The following KCNQ3 variants were observed in gnomAD, a reference collection of about 807,000 sequenced individuals.
KCNQ3 encodes the protein potassium voltage-gated channel subfamily Q member 3, also known as potassium voltage-gated channel subfamily KQT member 3.
In KCNQ3, 30 loss-of-function variants were observed where a neutral mutation model predicts 92.5. That is an observed-to-expected ratio of 0.32 (90% CI 0.24 to 0.44). The LOEUF (loss-of-function observed/expected upper bound fraction) is 0.44. Ranked by LOEUF, KCNQ3 falls within the 20% of genes least tolerant of loss-of-function variation. KCNQ3 has a pLI of 1.00. For missense variants in KCNQ3, 913 were observed against 1,140.3 expected, an observed-to-expected ratio of 0.80 and a Z score of 2.87; for synonymous variants, 450 against 468.8, an observed-to-expected ratio of 0.96 and a Z score of 0.52.
rs117987882 is a variant in KCNQ3 at position 132,369,919 on chromosome 8, A to G, written c.386+110228T>C. 1.1e-3 allele frequency among the ~76,000 whole-genome samples: 161 copies of G among 152,258 alleles called. 3 individuals carry two copies. The East Asian group carries it at 0.03, about 28-fold the overall frequency. Reference sequence around the variant, plus strand: ...ATCCCCACTCACAGTGAGGCTCTTTATCCACACTTTCCTCACTCTAGGGCT... The same window carrying G: ...ATCCCCACTCACAGTGAGGCTCTTTGTCCACACTTTCCTCACTCTAGGGCT... On this transcript the variant is annotated intron_variant, in intron 1 of 14. Transcript: ENST00000388996.
intron 1 of KCNQ3, among the ~76,000 whole-genome samples, chr8:132,437,302 A>T (rs906329565): frequency 6.6e-6 from 1 of 150,830 alleles, no homozygotes; most frequent in African/African-American, 2.4e-5. Context: ...AATAAAAAAT[A>T]AAAAAAATAA....
At chr8:132,169,712 C>T (rs1443134718) in intron 8 of KCNQ3, among the ~76,000 whole-genome samples, 1 of 152,200 alleles carries the variant, frequency 6.6e-6, no homozygotes, top group Non-Finnish European at 1.5e-5. Context: ...TACTCCATGC[C>T]ACTCTGTGCT....
At chr8:132,209,344 G>C (rs1228806163) in intron 1 of KCNQ3, among the ~76,000 whole-genome samples, 2 of 152,082 alleles carry the variant, frequency 1.3e-5, no homozygotes, top group Non-Finnish European at 2.9e-5. Context: ...AGAGTACTTG[G>C]AGAAGATGGT....
intron 1 of KCNQ3, among the ~76,000 whole-genome samples, chr8:132,476,000 C>T (rs555300860): frequency 5.9e-5 from 9 of 152,338 alleles, no homozygotes; most frequent in African/African-American, 1.9e-4. Context: ...GTGTCCCAGC[C>T]GCTCCAGTTC....
intron 1 of KCNQ3, among the ~76,000 whole-genome samples, chr8:132,190,767 AAGTT>A (rs572133297): frequency 2.8e-4 from 42 of 152,346 alleles, no homozygotes; most frequent in African/African-American, 9.9e-4. Context: ...GTAAGCCACT[AAGTT>A]AGAGGCAATT....
At chr8:132,159,835 TATCCATCCATCCATCATCCACCCATTC>T (rs1032179250) in intron 9 of KCNQ3, among the ~76,000 whole-genome samples, 2 of 152,068 alleles carry the variant, frequency 1.3e-5, no homozygotes, top group Non-Finnish European at 2.9e-5. Context: ...TCCATCCATC[TATCCATCCATCCATCATCCACCCATTC>T]ATCCATCCAT....
chr8:132,262,398 A>C (rs1197691555), intron 1 of KCNQ3, among the ~76,000 whole-genome samples: 2 of 152,224 alleles, frequency 1.3e-5, no homozygotes, highest in East Asian at 3.8e-4. Flanking sequence ...ATATCTCAAT[A>C]AAGATGTAAA....
intron 3 of KCNQ3, 58 bp downstream of exon 3, chr8:132,184,183 A>C: frequency 6.2e-7 from 1 of 1,611,096 alleles, no homozygotes; most frequent in Non-Finnish European, 8.5e-7. Flanking sequence ...TTCTCAGAGA[A>C]ACAATGCCCC....
intron 1 of KCNQ3, among the ~76,000 whole-genome samples, chr8:132,357,963 A>G (rs941745930): frequency 2.0e-5 from 3 of 152,106 alleles, no homozygotes; most frequent in Non-Finnish European, 2.9e-5. Context: ...CCATCCATCA[A>G]ACTCCATCCC....
intron 1 of KCNQ3, among the ~76,000 whole-genome samples, chr8:132,280,782 A>G (rs1816490647): frequency 6.6e-6 from 1 of 152,216 alleles, no homozygotes; most frequent in African/African-American, 2.4e-5. Context: ...TGAGTTAATC[A>G]TGTTCAAGGA....
At chr8:132,257,468 G>A (rs1051570578) in intron 1 of KCNQ3, among the ~76,000 whole-genome samples, 13 of 152,132 alleles carry the variant, frequency 8.5e-5, no homozygotes, top group African/African-American at 1.4e-4. Flanking sequence ...AGTTTAGGCC[G>A]GGCGCGGTGG....
At chr8:132,265,684 C>T (rs1365300839) in intron 1 of KCNQ3, among the ~76,000 whole-genome samples, 4 of 152,164 alleles carry the variant, frequency 2.6e-5, no homozygotes, top group Admixed American at 1.3e-4. Flanking sequence ...TTCAAATTGA[C>T]GTCATAGCAC....
chr8:132,142,288 C>T (rs559591628), intron 9 of KCNQ3, among the ~76,000 whole-genome samples: 1 of 152,254 alleles, frequency 6.6e-6, no homozygotes, highest in African/African-American at 2.4e-5. Flanking sequence ...GTGCAAAAAG[C>T]CAGTTGCACC....
At chr8:132,201,807 G>A (rs1827468665) in intron 1 of KCNQ3, among the ~76,000 whole-genome samples, 1 of 152,094 alleles carries the variant, frequency 6.6e-6, no homozygotes, top group Admixed American at 6.6e-5. Context: ...GGTCTCAGGG[G>A]CTGCCTACTC....
intron 1 of KCNQ3, chr8:132,447,127 C>T: frequency 7.5e-7 from 1 of 1,330,106 alleles, no homozygotes; most frequent in Non-Finnish European, 1.0e-6. Flanking sequence ...CTCTTTCCCT[C>T]TCCCCCTGGG....
intron 1 of KCNQ3, among the ~76,000 whole-genome samples, chr8:132,450,433 C>T (rs1821794932): frequency 6.6e-6 from 1 of 152,156 alleles, no homozygotes; most frequent in Non-Finnish European, 1.5e-5. Context: ...TTTTATAATC[C>T]TCTTGTAAGA....
intron 10 of KCNQ3, chr8:132,140,451 C>T (rs1003587114): frequency 3.8e-5 from 16 of 419,316 alleles, no homozygotes; most frequent in Admixed American, 2.1e-4. Flanking sequence ...AAGTGAGCTC[C>T]GCAGTTCCAG....
At chr8:132,366,419 T>TCTTCTTG (rs1435349237) in intron 1 of KCNQ3, among the ~76,000 whole-genome samples, 1 of 152,166 alleles carries the variant, frequency 6.6e-6, no homozygotes, top group African/African-American at 2.4e-5. Context: ...TCTTTCCTAA[T>TCTTCTTG]CTTCTTGCTT....
chr8:132,140,878 A>G, intron 10 of KCNQ3: 1 of 535,818 alleles, frequency 1.9e-6, no homozygotes, highest in South Asian at 2.1e-5. Context: ...ACCCTTAGAA[A>G]CCAAGGTGAC....
Sources: allele counts gnomAD v4.1 joint callset (sites outside exome capture counted in the v4.1 genomes callset), GRCh38; gene constraint gnomAD v4.1.1; transcripts MANE v1.5; gene names NCBI Gene and HGNC (gene_info 2026-07-23, HGNC 2026-07-21).